ZNF107: variants seen among roughly 807,000 people sequenced by gnomAD.
ZNF107 encodes zinc finger protein 107, also known as C2H2 type zinc-finger protein.
ZNF107 carries 19 observed loss-of-function variants against 12.3 expected under a neutral mutation model. The ratio of observed to expected loss-of-function variants is 1.55; its 90% CI spans 1.08 to 2.27. The LOEUF (loss-of-function observed/expected upper bound fraction) is 2.27. Among genes scored for constraint, ZNF107 ranks in the 30% most tolerant of loss-of-function variants. ZNF107 has a pLI of 0.00. For missense variants in ZNF107, 958 were observed against 979.9 expected (o/e 0.98, Z 0.30); for synonymous variants, 317 against 330.5 (o/e 0.96, Z 0.44).
At chr7:64,705,421 C>T (rs1014944925) in intron 3 of ZNF107, among the ~76,000 whole-genome samples, 1 of 151,688 alleles carries the variant, frequency 6.6e-6, no homozygotes, top group African/African-American at 2.4e-5. Flanking sequence ...GAGTGTTATT[C>T]AATTTACTTT....
chr7:64,670,277 G>T (rs1182563384), intron 1 of ZNF107, among the ~76,000 whole-genome samples: 1 of 152,014 alleles, frequency 6.6e-6, no homozygotes, highest in Non-Finnish European at 1.5e-5. Context: ...GGCAGACAAA[G>T]ACTTTTTTTT....
At chr7:64,705,330 T>C (rs1359344094) in intron 3 of ZNF107, among the ~76,000 whole-genome samples, 4 of 151,962 alleles carry the variant, frequency 2.6e-5, no homozygotes, top group Non-Finnish European at 5.9e-5. Context: ...ACAATTTCTG[T>C]TTTTTGCTAT....
chr7:64,706,972 A>C lies in ZNF107; in HGVS notation c.875A>C (p.Lys292Thr), dbSNP rs1790674013. The change falls in exon 4 of 4, where the codon AAA becomes ACA. Residue 292 changes from lysine (K) to threonine (T), a missense_variant. Physicochemically the swap from Lys to Thr is moderately conservative, Grantham distance 78 (BLOSUM62 -1). Coordinates refer to ENST00000620827, the MANE Select transcript of ZNF107 (RefSeq NM_001282359.2). ...EKPYKYEECG[K>T]VFSQSSHLTT... ...CCTTACAAATATGAAGAATGTGGCAAAGTCTTTAGCCAGTCCTCACACCTT... is the reference window on the plus strand; with the variant it reads ...CCTTACAAATATGAAGAATGTGGCACAGTCTTTAGCCAGTCCTCACACCTT... The C allele has an allele frequency of 4.3e-6, 7 of 1,613,616 alleles. No individual in the cohort carries two copies. The highest frequency in any genetic ancestry group is 5.9e-6 in the Non-Finnish European group (7 of 1,179,768).
chr7:64,701,119 T>C (rs540277251), intron 3 of ZNF107, among the ~76,000 whole-genome samples: 2 of 152,314 alleles, frequency 1.3e-5, no homozygotes, highest in African/African-American at 4.8e-5. Context: ...ATTTTACTAT[T>C]ATATAATATC....
At chr7:64,668,236 C>A (rs12670366) in intron 1 of ZNF107, among the ~76,000 whole-genome samples, 7,072 of 151,610 alleles carry the variant, frequency 0.047, 447 homozygotes, top group African/African-American at 0.14. Context: ...CACATGTGCC[C>A]TGTTGGTGTG....
rs562587372 is a variant in ZNF107 at position 64,710,567 on chromosome 7, T to C, written c.*1911T>C. On this transcript the variant is annotated 3_prime_UTR_variant, in exon 4 of 4. Coordinates refer to ENST00000620827, the MANE Select transcript of ZNF107 (RefSeq NM_001282359.2). ...CTAAAGTTGGTAGGTAAATAATGTG[T>C]ATATAACTTTAAAAGAAGTAGAATT... 19 of 152,328 alleles carry C rather than the reference T, an allele frequency of 1.2e-4. No individual in the cohort carries two copies. In the South Asian group the frequency reaches 3.9e-3, roughly 32 times the overall value. 9.4% of individuals were successfully genotyped at this position (152,328 alleles called of 1,614,324 possible).
intron 1 of ZNF107, chr7:64,686,915 C>A: frequency 5.1e-6 from 5 of 985,414 alleles, no homozygotes; most frequent in Non-Finnish European, 6.0e-6. Flanking sequence ...TCAATCCAGA[C>A]CACGCTGTAA....
chr7:64,682,312 C>A (rs1789714780), intron 1 of ZNF107, among the ~76,000 whole-genome samples: 2 of 152,068 alleles, frequency 1.3e-5, no homozygotes, highest in Non-Finnish European at 2.9e-5. Flanking sequence ...TCTCCTAGAC[C>A]CCAGTCCCTT....
intron 1 of ZNF107, among the ~76,000 whole-genome samples, chr7:64,678,585 A>G (rs1262541042): frequency 1.3e-5 from 2 of 152,230 alleles, no homozygotes; most frequent in Admixed American, 6.5e-5. Flanking sequence ...ATTGTTATTC[A>G]TACTTTCAAA....
At chr7:64,685,447 C>T (rs1328271353) in intron 1 of ZNF107, among the ~76,000 whole-genome samples, 1 of 152,212 alleles carries the variant, frequency 6.6e-6, no homozygotes, top group Non-Finnish European at 1.5e-5. Context: ...TAATGGCAGG[C>T]ATACGCACTG....
At chr7:64,680,511 C>T (rs1023737964) in intron 1 of ZNF107, among the ~76,000 whole-genome samples, 2 of 152,022 alleles carry the variant, frequency 1.3e-5, no homozygotes, top group Non-Finnish European at 2.9e-5. Flanking sequence ...TATGGCCGGG[C>T]GAGATTATAT....
At chr7:64,685,802 C>T (rs1416396529) in intron 1 of ZNF107, among the ~76,000 whole-genome samples, 2 of 152,156 alleles carry the variant, frequency 1.3e-5, no homozygotes, top group Non-Finnish European at 2.9e-5. Flanking sequence ...TGGACAAGCA[C>T]CTGTACCCTA....
In ZNF107 at chr7:64,669,476, G is replaced by T. The variant is rs560811381; in HGVS notation, c.3+3191G>T. Among the ~76,000 whole-genome samples the T allele has an allele frequency of 2.0e-5, 3 of 151,424 alleles. No individual in the cohort carries two copies. The East Asian group carries it at 5.9e-4, about 30-fold the overall frequency. Reference sequence around the variant, plus strand: ...TAAATACTTTGCATTTCTTACTGAGGTATGAAATGTAAGCACCTTAAAATT... The same window carrying T: ...TAAATACTTTGCATTTCTTACTGAGTTATGAAATGTAAGCACCTTAAAATT... On this transcript the variant is annotated intron_variant, in intron 1 of 3. Coordinates refer to ENST00000620827, the MANE Select transcript of ZNF107 (RefSeq NM_001282359.2).
intron 3 of ZNF107, among the ~76,000 whole-genome samples, chr7:64,704,131 A>G (rs1790563622): frequency 1.1e-5 from 1 of 94,396 alleles, no homozygotes; most frequent in South Asian, 4.3e-4. Context: ...GCAGGTGTTT[A>G]TAATAATTCC....
In ZNF107 at chr7:64,706,553, A is replaced by G; in HGVS notation, c.456A>G (p.Lys152=). ...SKIFQCNKYV[K]VFDKFSNSNR... is the part of the protein sequence containing the mutation. ...TATTCCAGTGTAATAAATATGTGAAAGTCTTTGATAAATTTTCAAATTCAA... is the reference window on the plus strand; with the variant it reads ...TATTCCAGTGTAATAAATATGTGAAGGTCTTTGATAAATTTTCAAATTCAA... The change falls in exon 4 of 4, where the codon AAA becomes AAG. Residue 152 remains lysine, a synonymous_variant. Coordinates refer to ENST00000620827, the MANE Select transcript of ZNF107 (RefSeq NM_001282359.2). 2 of 1,607,842 alleles carry G rather than the reference A, an allele frequency of 1.2e-6. No individual in the cohort carries two copies. Among genetic ancestry groups the G allele is most frequent in the Non-Finnish European group, 1.7e-6 (2 of 1,177,892 alleles).
chr7:64,707,273 G>A lies in ZNF107; in HGVS notation c.1176G>A (p.Met392Ile), dbSNP rs1432593031. The A allele has an allele frequency of 5.0e-6, 8 of 1,603,800 alleles. No individual in the cohort carries two copies. The highest frequency in any genetic ancestry group is 1.7e-4 in the Middle Eastern group (1 of 5,974). ...LKLTAHKKILMEEKPYKCEEC... is the reference protein window; with the variant it reads ...LKLTAHKKILIEEKPYKCEEC... ...TTACTGCACATAAGAAAATTCTAAT[G>A]GAAGAGAAACCCTACAAATGTGAAG... The change falls in exon 4 of 4, where the codon ATG becomes ATA. Residue 392 changes from methionine to isoleucine, a missense_variant. Transcript: ENST00000620827.
At position 64,706,623 on chromosome 7, in the gene ZNF107, A is replaced by C; in HGVS notation, c.526A>C (p.Lys176Gln). The change falls in exon 4 of 4, where the codon AAA becomes CAA. Residue 176 changes from lysine to glutamine, a missense_variant. Coordinates refer to ENST00000620827, the MANE Select transcript of ZNF107 (RefSeq NM_001282359.2). Reference sequence around the variant, plus strand: ...TACAGGAAACAAACACTTCAAATGTAAAGAATGTAGCAAATCATTTTGCGT... The same window carrying C: ...TACAGGAAACAAACACTTCAAATGTCAAGAATGTAGCAAATCATTTTGCGT... ...RHTGNKHFKCKECSKSFCVLS... is the reference protein window; with the variant it reads ...RHTGNKHFKCQECSKSFCVLS... The C allele has an allele frequency of 4.3e-6, 7 of 1,613,486 alleles. No individual in the cohort carries two copies. The highest frequency in any genetic ancestry group is 5.9e-6 in the Non-Finnish European group (7 of 1,179,642).
At chr7:64,703,544 C>G (rs1038875735) in intron 3 of ZNF107, among the ~76,000 whole-genome samples, 1 of 152,160 alleles carries the variant, frequency 6.6e-6, no homozygotes, top group Non-Finnish European at 1.5e-5. Context: ...ATTCTCCTAT[C>G]TTAGCCTTCT....
In ZNF107 at chr7:64,694,103, A is replaced by C. The variant is rs374627086; in HGVS notation, c.226+2143A>C. Among the ~76,000 whole-genome samples the C allele has an allele frequency of 4.1e-4, 62 of 152,306 alleles. 1 individual carries two copies. Among genetic ancestry groups the C allele is most frequent in the East Asian group, 1.4e-3 (7 of 5,172 alleles). ...ACACCCAGCCACTGTGTGGGTTTCT[A>C]TGTAGGCAGAACTGACCATGAACTG... On this transcript the variant is annotated intron_variant, in intron 3 of 3. Coordinates refer to ENST00000620827, the MANE Select transcript of ZNF107 (RefSeq NM_001282359.2).
Sources: gnomAD v4.1 joint callset for allele counts (sites outside exome capture counted in the v4.1 genomes callset) on GRCh38, gnomAD v4.1.1 for gene constraint, MANE v1.5 for transcripts, NCBI Gene and HGNC (gene_info 2026-07-23, HGNC 2026-07-21) for gene names.